The following MTMR3 variants were observed in gnomAD, a reference collection of about 807,000 sequenced individuals.
MTMR3 encodes the protein myotubularin related protein 3.
In MTMR3, 32 loss-of-function variants were observed where a neutral mutation model predicts 132.4. The observed-to-expected ratio is 0.24, with a 90% CI of 0.18 to 0.32. The LOEUF (loss-of-function observed/expected upper bound fraction) is 0.32. Ranked by LOEUF, MTMR3 falls within the 10% of genes least tolerant of loss-of-function variation. The pLI is 1.00. For synonymous variants in MTMR3, 556 were observed against 550.3 expected, an observed-to-expected ratio of 1.01 and a Z score of -0.14; for missense variants, 1,216 against 1,489.6, an observed-to-expected ratio of 0.82 and a Z score of 3.02.
intron 1 of MTMR3, among the ~76,000 whole-genome samples, chr22:29,928,255 G>A (rs2065565250): frequency 1.4e-5 from 2 of 141,886 alleles, no homozygotes; most frequent in South Asian, 2.2e-4. Flanking sequence ...GGTCACTGCC[G>A]CCTCCGCCTC....
intron 1 of MTMR3, among the ~76,000 whole-genome samples, chr22:29,935,479 T>C (rs1021668904): frequency 6.6e-6 from 1 of 152,220 alleles, no homozygotes; most frequent in Non-Finnish European, 1.5e-5. Flanking sequence ...TTTTCAGTTC[T>C]TACCTTACAC....
chr22:30,022,233 AG>A (rs1195956993), intron 18 of MTMR3, 94 bp downstream of exon 18: 2 of 902,422 alleles, frequency 2.2e-6, no homozygotes, highest in African/African-American at 3.3e-5. Flanking sequence ...TGGCCAAGGA[AG>A]CACCTCCCAG....
chr22:29,933,989 T>C (rs2065697737), intron 1 of MTMR3, among the ~76,000 whole-genome samples: 2 of 152,198 alleles, frequency 1.3e-5, no homozygotes, highest in South Asian at 4.1e-4. Context: ...GTTTTTAGGG[T>C]AGTTGATTTA....
chr22:29,958,191 A>T (rs189744150), intron 2 of MTMR3, among the ~76,000 whole-genome samples: 4 of 152,246 alleles, frequency 2.6e-5, no homozygotes, highest in Non-Finnish European at 5.9e-5. Flanking sequence ...TTTTCAAAAA[A>T]TGTCCTTTTC....
At chr22:30,021,890 G>A in intron 17 of MTMR3, 139 bp from the exon 18 acceptor site, 1 of 656,014 alleles carries the variant, frequency 1.5e-6, no homozygotes, top group East Asian at 2.7e-5. Flanking sequence ...AGTTCTTGAT[G>A]GCTGATGCAT....
chr22:29,936,993 G>C (rs1269515526), intron 1 of MTMR3, among the ~76,000 whole-genome samples: 1 of 151,980 alleles, frequency 6.6e-6, no homozygotes, highest in Non-Finnish European at 1.5e-5. Flanking sequence ...AGATATAAAG[G>C]CTTATATTTT....
intron 1 of MTMR3, among the ~76,000 whole-genome samples, chr22:29,950,024 G>C (rs903187799): frequency 1.3e-5 from 2 of 152,202 alleles, no homozygotes; most frequent in Admixed American, 1.3e-4. Flanking sequence ...CTGAGAGCAA[G>C]AAGCAGGACA....
Position 29,970,982 on chromosome 22 carries a change from C to T in MTMR3, c.-78C>T, listed in dbSNP as rs1378913591. The stretch of plus-strand genomic sequence containing the variant: ...TCTTCCCCCCCACCCCCAGACTTCA[C>T]CATAAGGGAAAGAAGAGAGCCTTGT... On this transcript the variant is annotated 5_prime_UTR_variant, in exon 3 of 20. Transcript: ENST00000401950. 3.2e-6 allele frequency: 3 copies of T among 931,094 alleles called. No individual in the cohort carries two copies. Among genetic ancestry groups the T allele is most frequent in the Middle Eastern group, 2.4e-4 (1 of 4,138 alleles). 57.7% of individuals were successfully genotyped at this position (931,094 alleles called of 1,614,324 possible). A position where few individuals can be genotyped will look rare whatever the true frequency, so the allele number is the denominator to read the frequency against.
intron 7 of MTMR3, chr22:29,994,677 T>G (rs1283357986): frequency 2.0e-5 from 3 of 152,158 alleles, no homozygotes; most frequent in Non-Finnish European, 2.9e-5. Context: ...TTTTATGGAG[T>G]CTTCTCTACC....
At chr22:29,978,184 T>G (rs2066667093) in intron 3 of MTMR3, 2 of 273,550 alleles carry the variant, frequency 7.3e-6, no homozygotes, top group East Asian at 1.4e-4. Flanking sequence ...AAAAAAAGTA[T>G]TAAGAAGCTG....
At chr22:30,009,253 T>G in intron 12 of MTMR3, 124 bp downstream of exon 12, 1 of 684,298 alleles carries the variant, frequency 1.5e-6, no homozygotes, top group Non-Finnish European at 2.5e-6. Flanking sequence ...CTTCTGTTTC[T>G]TGGTAATCTT....
chr22:30,019,734 T>A lies in MTMR3; in HGVS notation c.2075T>A (p.Ile692Asn). Residue 692 changes from isoleucine (I) to asparagine (N), a missense_variant, in exon 17 of 20, where the codon ATC becomes AAC. Transcript: ENST00000401950. Reference protein sequence around the residue: ...AGVAEGQMENILQEATKEESG... With the variant: ...AGVAEGQMENNLQEATKEESG... ...GTAGCTGAGGGGCAGATGGAGAACATCTTGCAGGAGGCCACCAAAGAGGAG... is the reference window on the plus strand; with the variant it reads ...GTAGCTGAGGGGCAGATGGAGAACAACTTGCAGGAGGCCACCAAAGAGGAG... 1 of 1,614,080 alleles carries A rather than the reference T, an allele frequency of 6.2e-7. No individual in the cohort carries two copies. The highest frequency in any genetic ancestry group is 8.5e-7 in the Non-Finnish European group (1 of 1,180,026).
intron 8 of MTMR3, chr22:29,999,833 G>C (rs1165160878): frequency 6.6e-6 from 1 of 152,184 alleles, no homozygotes; most frequent in East Asian, 1.9e-4. Context: ...CCAACATGGC[G>C]AAACACTGTC....
intron 1 of MTMR3, among the ~76,000 whole-genome samples, chr22:29,939,978 T>G (rs1476411449): frequency 6.6e-6 from 1 of 152,184 alleles, no homozygotes; most frequent in Non-Finnish European, 1.5e-5. Context: ...CTTTGTGATA[T>G]TTCCCTGCCC....
intron 19 of MTMR3, 21 bp downstream of exon 19, chr22:30,022,718 T>C: frequency 6.3e-7 from 1 of 1,594,984 alleles, no homozygotes; most frequent in South Asian, 1.1e-5. Flanking sequence ...GGGGCTGTGG[T>C]AGGGTGGGCT....
At chr22:29,900,559 C>A (rs1056172477) in intron 1 of MTMR3, among the ~76,000 whole-genome samples, 1 of 151,998 alleles carries the variant, frequency 6.6e-6, no homozygotes, top group Non-Finnish European at 1.5e-5. Context: ...CCAGGCACTA[C>A]CCTGTGATTT....
At chr22:29,921,013 T>C (rs1266294472) in intron 1 of MTMR3, among the ~76,000 whole-genome samples, 2 of 152,138 alleles carry the variant, frequency 1.3e-5, no homozygotes, top group Admixed American at 6.6e-5. Flanking sequence ...GTAATAATGC[T>C]ACAGTATCTT....
chr22:29,899,346 C>T (rs575897337), intron 1 of MTMR3, among the ~76,000 whole-genome samples: 1 of 152,240 alleles, frequency 6.6e-6, no homozygotes, highest in South Asian at 2.1e-4. Context: ...AGCCATTGTG[C>T]CCAGCCAGAA....
At position 29,964,117 on chromosome 22, in the gene MTMR3, A is replaced by G. The variant is rs968215699; in HGVS notation, c.-84-6859A>G. ...ATGAGGTTACTTGTTTACTTTTTAC[A>G]TCTGTATCTTATTTACTGAGTGCAT... On this transcript the variant is annotated intron_variant, in intron 2 of 19. Coordinates refer to ENST00000401950, the MANE Select transcript of MTMR3 (RefSeq NM_021090.4). Among the ~76,000 whole-genome samples the G allele has an allele frequency of 2.6e-5, 4 of 152,318 alleles. No individual in the cohort carries two copies. The East Asian group carries it at 7.7e-4, about 29-fold the overall frequency.
Sources: allele counts gnomAD v4.1 joint callset (sites outside exome capture counted in the v4.1 genomes callset), GRCh38; gene constraint gnomAD v4.1.1; transcripts MANE v1.5; gene names NCBI Gene and HGNC (gene_info 2026-07-23, HGNC 2026-07-21).